Variants in PLS1 observed in about 807,000 individuals in gnomAD.
PLS1 encodes the protein plastin-1.
PLS1 carries 32 observed loss-of-function variants against 73.7 expected under a neutral mutation model. The observed-to-expected ratio is 0.43, with a 90% CI of 0.33 to 0.58. The LOEUF (loss-of-function observed/expected upper bound fraction) is 0.58. PLS1 is among the 20% of genes least tolerant of loss of function. The pLI, the probability that PLS1 is intolerant of heterozygous loss-of-function variation, is 0.04. For synonymous variants in PLS1, 217 were observed against 261.3 expected (o/e 0.83, Z 1.63); for missense variants, 633 against 740.5 (o/e 0.85, Z 1.68).
At chr3:142,683,836 G>A (rs1395525609) in intron 6 of PLS1, among the ~76,000 whole-genome samples, 170 bp from the exon 7 acceptor site, 2 of 151,512 alleles carry the variant, frequency 1.3e-5, no homozygotes, top group Non-Finnish European at 2.9e-5. Context: ...GGCATATAAA[G>A]TAACAGTTAA....
chr3:142,634,035 A>T (rs1405855085), intron 1 of PLS1, among the ~76,000 whole-genome samples: 1 of 152,256 alleles, frequency 6.6e-6, no homozygotes, highest in African/African-American at 2.4e-5. Flanking sequence ...AGCACTTGAG[A>T]TGAAAATACA....
intron 1 of PLS1, among the ~76,000 whole-genome samples, chr3:142,645,919 G>T (rs1401017510): frequency 6.6e-6 from 1 of 152,134 alleles, no homozygotes; most frequent in Non-Finnish European, 1.5e-5. Context: ...CGACAAGTCA[G>T]GTTCTAGGGC....
rs958768196 is a variant in PLS1 at position 142,712,790 on chromosome 3, T to C, written c.*783T>C. 2.6e-5 allele frequency: 4 copies of C among 152,594 alleles called. No homozygotes were observed. The highest frequency in any genetic ancestry group is 9.6e-5 in the African/African-American group (4 of 41,456). The allele number at this position is 152,594 out of a possible 1,614,324, so 9.5% of individuals were successfully genotyped here. ...CATAAGTGGTATGTTTAATTGGTCA[T>C]TCAGCCAACCATCAGTATTTTCCCC... On this transcript the variant is annotated 3_prime_UTR_variant, in exon 16 of 16. Coordinates refer to ENST00000457734, the MANE Select transcript of PLS1 (RefSeq NM_001145319.2).
chr3:142,638,707 A>G (rs2036760406), intron 1 of PLS1, among the ~76,000 whole-genome samples: 1 of 148,336 alleles, frequency 6.7e-6, no homozygotes, highest in Non-Finnish European at 1.5e-5. Flanking sequence ...AGAAACACTT[A>G]TCTTCATTTT....
At chr3:142,599,182 A>AATG (rs1560023465) in intron 1 of PLS1, among the ~76,000 whole-genome samples, 13 of 125,014 alleles carry the variant, frequency 1.0e-4, no homozygotes, top group African/African-American at 3.4e-4. Context: ...ATGAATGAAT[A>AATG]AATAAATAAA....
At chr3:142,675,445 C>T (rs1366039356) in intron 4 of PLS1, among the ~76,000 whole-genome samples, 1 of 151,890 alleles carries the variant, frequency 6.6e-6, no homozygotes, top group Non-Finnish European at 1.5e-5. Flanking sequence ...TGCAGTGGCG[C>T]GATCTCGGTT....
chr3:142,643,495 G>T (rs1271186426), intron 1 of PLS1, among the ~76,000 whole-genome samples: 2 of 152,188 alleles, frequency 1.3e-5, no homozygotes, highest in Non-Finnish European at 2.9e-5. Flanking sequence ...CCAAATACTG[G>T]ATGGAGAAAG....
At chr3:142,681,310 A>G in intron 6 of PLS1, among the ~76,000 whole-genome samples, 1 of 143,128 alleles carries the variant, frequency 7.0e-6, no homozygotes, top group African/African-American at 3.0e-5. Flanking sequence ...TATAAATAAG[A>G]TAGATGTTAA....
Position 142,650,510 on chromosome 3 carries a change from A to G in PLS1, c.-36-13692A>G, listed in dbSNP as rs150560234. Among the ~76,000 whole-genome samples, 59 of 152,112 alleles carry G rather than the reference A, an allele frequency of 3.9e-4. No homozygotes were observed. In the East Asian group the frequency reaches 7.0e-3, roughly 18 times the overall value. ...GGGATCATGTGGGGATTCTCATTAT[A>G]TAACGCTTTACAAAAGCCTTGTTAC... On this transcript the variant is annotated intron_variant, in intron 1 of 15. Transcript: ENST00000457734.
chr3:142,663,804 A>G (rs1471916262), intron 1 of PLS1, among the ~76,000 whole-genome samples: 1 of 152,228 alleles, frequency 6.6e-6, no homozygotes, highest in Admixed American at 6.5e-5. Flanking sequence ...CCTTTTTTGT[A>G]GACATTATTC....
In PLS1 at chr3:142,608,435, G is replaced by T. The variant is rs145322461; in HGVS notation, c.-37+11926G>T. On this transcript the variant is annotated intron_variant, in intron 1 of 15. Transcript: ENST00000457734. ...GAATTCCATAGTACTATGGCAGCAA[G>T]CATCCAATGTATATTGAGTACTTCC... 4.6e-5 allele frequency among the ~76,000 whole-genome samples: 7 copies of T among 152,286 alleles called. No homozygotes were observed. In the East Asian group the frequency reaches 1.4e-3, roughly 29 times the overall value.
intron 1 of PLS1, among the ~76,000 whole-genome samples, chr3:142,631,131 C>G (rs1330895485): frequency 6.6e-6 from 1 of 151,836 alleles, no homozygotes; most frequent in Non-Finnish European, 1.5e-5. Context: ...AATCCCAACA[C>G]TTTGGGAAGC....
intron 1 of PLS1, among the ~76,000 whole-genome samples, chr3:142,637,170 C>A (rs2036712092): frequency 6.6e-6 from 1 of 152,134 alleles, no homozygotes; most frequent in South Asian, 2.1e-4. Context: ...TAAGTGTCTT[C>A]ATGATTTATC....
intron 14 of PLS1, among the ~76,000 whole-genome samples, chr3:142,706,083 T>C (rs1303580248): frequency 6.6e-6 from 1 of 152,204 alleles, no homozygotes; most frequent in Non-Finnish European, 1.5e-5. Flanking sequence ...ATAGAAAATA[T>C]TAAACATGTA....
Position 142,664,175 on chromosome 3 carries a change from CT to C in PLS1, c.-36-20del, listed in dbSNP as rs894639199. On this transcript the variant is annotated intron_variant, in intron 1 of 15. Coordinates refer to ENST00000457734, the MANE Select transcript of PLS1 (RefSeq NM_001145319.2). ...GTTAAATGTTTCCAAAGGCTTCATG[CT>C]TTTTTTATAATATTGCTTTTTCTAG... 1.8e-4 allele frequency: 167 copies of C among 915,522 alleles called. No homozygotes were observed. In the East Asian group the frequency reaches 3.5e-3, roughly 19 times the overall value. 56.7% of individuals were successfully genotyped at this position (915,522 alleles called of 1,614,324 possible).
intron 5 of PLS1, among the ~76,000 whole-genome samples, chr3:142,677,584 C>T (rs1464691574): frequency 6.6e-6 from 1 of 151,846 alleles, no homozygotes; most frequent in Non-Finnish European, 1.5e-5. Context: ...GTGGAGGTTG[C>T]AGTGAGCTGA....
chr3:142,694,344 A>ACTGTAGTATCT (rs1015688809), intron 10 of PLS1, 125 bp from the exon 11 acceptor site: 22 of 509,078 alleles, frequency 4.3e-5, no homozygotes, highest in South Asian at 2.0e-4. Context: ...CTTTAAAGAA[A>ACTGTAGTATCT]CTGTAGTATC....
chr3:142,711,861 G>A lies in PLS1; in HGVS notation c.1755-11G>A. 1 of 1,611,810 alleles carries A rather than the reference G, an allele frequency of 6.2e-7. No homozygotes were observed. Among genetic ancestry groups the A allele is most frequent in the East Asian group, 2.2e-5 (1 of 44,834 alleles). Reference sequence around the variant, plus strand: ...TGGATAACACCAAGATATTTTTCTTGTCTCTTCAAGATACGCCATTTCAGT... The same window carrying A: ...TGGATAACACCAAGATATTTTTCTTATCTCTTCAAGATACGCCATTTCAGT... On this transcript the variant is annotated splice_polypyrimidine_tract_variant and intron_variant, in intron 15 of 15. Transcript: ENST00000457734.
rs555867243 is a variant in PLS1 at position 142,694,638 on chromosome 3, A to G, written c.1256+91A>G. The G allele has an allele frequency of 8.7e-5, 60 of 693,070 alleles. No homozygotes were observed. The African/African-American group carries it at 1.1e-3, about 12-fold the overall frequency. 42.9% of individuals were successfully genotyped at this position (693,070 alleles called of 1,614,324 possible). On this transcript the variant is annotated intron_variant, in intron 11 of 15. Transcript: ENST00000457734. ...CATGTTTAAATGGAACATTTTCTCAAGTTGCAAGAATTTTAGCCAATTTTT... is the reference window on the plus strand; with the variant it reads ...CATGTTTAAATGGAACATTTTCTCAGGTTGCAAGAATTTTAGCCAATTTTT...
Sources: allele counts gnomAD v4.1 joint callset (sites outside exome capture counted in the v4.1 genomes callset), GRCh38; gene constraint gnomAD v4.1.1; transcripts MANE v1.5; gene names NCBI Gene and HGNC (gene_info 2026-07-23, HGNC 2026-07-21).